Variants in BMPER observed in about 807,000 individuals in gnomAD.
BMPER encodes BMP-binding endothelial regulator protein.
A neutral mutation model predicts 87.3 loss-of-function variants in BMPER; 45 were observed. The observed-to-expected ratio is 0.52, with a 90% CI of 0.41 to 0.66. BMPER has a LOEUF of 0.66. BMPER is among the 30% of genes least tolerant of loss of function. BMPER has a pLI of 0.00. For synonymous variants in BMPER, 326 were observed against 316.2 expected (o/e 1.03, Z -0.33); for missense variants, 784 against 867.5 (o/e 0.90, Z 1.21).
intron 13 of BMPER, among the ~76,000 whole-genome samples, chr7:34,141,148 C>A (rs1208685658): frequency 6.6e-6 from 1 of 152,196 alleles, no homozygotes. Flanking sequence ...GAGGGAGATT[C>A]ATACACTGGC....
intron 11 of BMPER, among the ~76,000 whole-genome samples, chr7:34,077,932 T>G (rs888677562): frequency 3.3e-5 from 5 of 152,190 alleles, no homozygotes; most frequent in Non-Finnish European, 5.9e-5. Context: ...TTTTTAATTA[T>G]TTGGGCTACT....
chr7:33,922,087 G>A, intron 2 of BMPER: 1 of 307,632 alleles, frequency 3.3e-6, no homozygotes, highest in African/African-American at 2.2e-5. Context: ...TTCTTTCCCT[G>A]CTGAGGGAGA....
chr7:33,930,809 G>A (rs115264444), intron 2 of BMPER, among the ~76,000 whole-genome samples: 5 of 152,120 alleles, frequency 3.3e-5, no homozygotes. Context: ...AATTAGCAAG[G>A]CATGGTGGTA....
chr7:33,995,636 C>G (rs1293557174), intron 6 of BMPER, among the ~76,000 whole-genome samples: 2 of 152,170 alleles, frequency 1.3e-5, no homozygotes, highest in Admixed American at 6.5e-5. Context: ...TTGAGGTTCT[C>G]TAAGCAGACA....
At chr7:33,977,516 A>G (rs1785718616) in intron 6 of BMPER, among the ~76,000 whole-genome samples, 2 of 152,208 alleles carry the variant, frequency 1.3e-5, no homozygotes, top group African/African-American at 4.8e-5. Context: ...GGCTTTAGAC[A>G]GGACCTGTGC....
Position 34,153,228 on chromosome 7 carries a change from T to C in BMPER, c.2013T>C (p.Leu671=). Residue 671 remains leucine (L), a synonymous_variant, in exon 15 of 15, where the codon CTT becomes CTC. Coordinates refer to ENST00000649409, the MANE Select transcript of BMPER (RefSeq NM_001365308.1). The part of the protein sequence containing the change: ...AGCHCPANLV[L]HKGRCIKPVL... ...GCCACTGTCCAGCAAACTTGGTCCT[T>C]CACAAGGGAAGGTGCATCAAGCCAG... is the stretch of plus-strand genomic sequence containing the variant. 1 of 1,614,080 alleles carries C rather than the reference T, an allele frequency of 6.2e-7. No individual in the cohort carries two copies. The highest frequency in any genetic ancestry group is 8.5e-7 in the Non-Finnish European group (1 of 1,179,976).
At chr7:33,981,244 G>A (rs1348352368) in intron 6 of BMPER, among the ~76,000 whole-genome samples, 2 of 152,180 alleles carry the variant, frequency 1.3e-5, no homozygotes, top group Admixed American at 1.3e-4. Flanking sequence ...GAAATCTGCT[G>A]TTCCACATGA....
At chr7:33,993,987 C>G (rs1410453800) in intron 6 of BMPER, among the ~76,000 whole-genome samples, 1 of 152,200 alleles carries the variant, frequency 6.6e-6, no homozygotes, top group Non-Finnish European at 1.5e-5. Context: ...TCTCAGATCT[C>G]CAGCTGCTTA....
In BMPER at chr7:34,086,061, C is replaced by T. The variant is rs768755736; in HGVS notation, c.1714C>T (p.His572Tyr). ...CAAATCCTGGGAGTTTCAGACCTGC[C>T]ACTCGACTGTGGACTACGCCACTTT... Reference protein sequence around the residue: ...KLKSWEFQTCHSTVDYATFYR... With the variant: ...KLKSWEFQTCYSTVDYATFYR... Residue 572 changes from histidine (H) to tyrosine (Y), a missense_variant, in exon 13 of 15, where the codon CAC becomes TAC. By Grantham distance (83) the His-to-Tyr change is moderately conservative. Coordinates refer to ENST00000649409, the MANE Select transcript of BMPER (RefSeq NM_001365308.1). 17 of 1,613,794 alleles carry T rather than the reference C, an allele frequency of 1.1e-5. No homozygotes were observed. The highest frequency in any genetic ancestry group is 1.4e-5 in the Non-Finnish European group (17 of 1,180,032).
intron 12 of BMPER, among the ~76,000 whole-genome samples, chr7:34,081,503 G>A (rs2127975194): frequency 6.6e-6 from 1 of 152,334 alleles, no homozygotes; most frequent in East Asian, 1.9e-4. Context: ...TAGTTTGGGT[G>A]GAATTAGGCT....
At chr7:34,058,507 C>T (rs1475678747) in intron 10 of BMPER, among the ~76,000 whole-genome samples, 3 of 152,230 alleles carry the variant, frequency 2.0e-5, no homozygotes, top group African/African-American at 2.4e-5. Flanking sequence ...CTTTTCTCTC[C>T]CTTCTCAAAT....
At chr7:34,030,559 T>C (rs1295627562) in intron 6 of BMPER, among the ~76,000 whole-genome samples, 4 of 152,140 alleles carry the variant, frequency 2.6e-5, no homozygotes, top group Non-Finnish European at 5.9e-5. Flanking sequence ...TAACATCTTA[T>C]GAAACAGGGT....
chr7:33,942,002 C>G (rs1007496449), intron 3 of BMPER, among the ~76,000 whole-genome samples: 10 of 152,022 alleles, frequency 6.6e-5, no homozygotes, highest in Admixed American at 2.6e-4. Context: ...ACAGCGTGTA[C>G]CTAACATAGT....
At position 33,905,577 on chromosome 7, in the gene BMPER, G is replaced by A; in HGVS notation, c.-37G>A. Reference sequence around the variant, plus strand: ...GGCAGCTGAGCAGAGGCGGCGGCGCGGGACCTGCAGTCGCCAGGGATTCCC... The same window carrying A: ...GGCAGCTGAGCAGAGGCGGCGGCGCAGGACCTGCAGTCGCCAGGGATTCCC... On this transcript the variant is annotated 5_prime_UTR_variant, in exon 1 of 15. Transcript: ENST00000649409. 6.2e-7 allele frequency: 1 copy of A among 1,606,740 alleles called. No individual in the cohort carries two copies. The highest frequency in any genetic ancestry group is 2.2e-5 in the East Asian group (1 of 44,780).
intron 2 of BMPER, among the ~76,000 whole-genome samples, chr7:33,916,023 G>A (rs937182197): frequency 7.9e-5 from 12 of 152,188 alleles, no homozygotes; most frequent in Non-Finnish European, 2.9e-5. Context: ...CTTTAGAAAT[G>A]ATAGCTACTT....
intron 11 of BMPER, among the ~76,000 whole-genome samples, chr7:34,073,851 G>A (rs778641076): frequency 2.0e-5 from 3 of 152,358 alleles, no homozygotes; most frequent in East Asian, 1.9e-4. Flanking sequence ...GGCAGCAGGG[G>A]TGTTGCTGTG....
At chr7:34,004,379 C>T (rs879854603) in intron 6 of BMPER, among the ~76,000 whole-genome samples, 6 of 152,068 alleles carry the variant, frequency 3.9e-5, no homozygotes, top group Non-Finnish European at 7.4e-5. Flanking sequence ...ATAAGTCCAA[C>T]CTCAGGGCTT....
At chr7:33,992,084 G>T (rs1786237891) in intron 6 of BMPER, among the ~76,000 whole-genome samples, 1 of 152,124 alleles carries the variant, frequency 6.6e-6, no homozygotes, top group Admixed American at 6.5e-5. Context: ...TGAAAATAAA[G>T]TATATTCTGT....
intron 6 of BMPER, among the ~76,000 whole-genome samples, chr7:34,037,739 A>C (rs1231144026): frequency 6.6e-6 from 1 of 152,242 alleles, no homozygotes; most frequent in Non-Finnish European, 1.5e-5. Context: ...GCTGTCCATC[A>C]GCGCTTATAA....
Sources: gnomAD v4.1 joint callset for allele counts (sites outside exome capture counted in the v4.1 genomes callset) on GRCh38, gnomAD v4.1.1 for gene constraint, MANE v1.5 for transcripts, NCBI Gene and HGNC (gene_info 2026-07-23, HGNC 2026-07-21) for gene names.